Variants in PNKD observed in about 807,000 individuals in gnomAD.
The protein encoded by PNKD is probable thioesterase PNKD.
PNKD carries 36 observed loss-of-function variants against 45.3 expected under a neutral mutation model. The ratio of observed to expected loss-of-function variants is 0.80; its 90% CI spans 0.61 to 1.05. The LOEUF (loss-of-function observed/expected upper bound fraction) is 1.05, where lower values mean the gene tolerates loss of function less well. PNKD is among the 50% of genes least tolerant of loss of function. The pLI, the probability that PNKD is intolerant of heterozygous loss-of-function variation, is 0.00. For synonymous variants in PNKD, 197 were observed against 210.1 expected (o/e 0.94, Z 0.54); for missense variants, 511 against 506.6 (o/e 1.01, Z -0.08).
chr2:218,318,950 C>CTTTTTTTTTTTTTTTTTTTTT (rs769001811), intron 2 of PNKD, among the ~76,000 whole-genome samples: 15 of 99,898 alleles, frequency 1.5e-4, no homozygotes, highest in East Asian at 5.6e-4. Context: ...TTTTTTTTTT[C>CTTTTTTTTTTTTTTTTTTTTT]TTTTTTTTTT....
chr2:218,330,401 C>T (rs1694286195), intron 2 of PNKD, among the ~76,000 whole-genome samples: 1 of 152,200 alleles, frequency 6.6e-6, no homozygotes, highest in South Asian at 2.1e-4. Flanking sequence ...GGCTCACTGT[C>T]CCCAGCTGTC....
rs547095624 is a variant in PNKD at position 218,309,792 on chromosome 2, G to A, written c.237-29991G>A. Among the ~76,000 whole-genome samples the A allele has an allele frequency of 4.6e-5, 7 of 151,906 alleles. No individual in the cohort carries two copies. The East Asian group carries it at 5.9e-4, about 13-fold the overall frequency. On this transcript the variant is annotated intron_variant, in intron 2 of 9. Transcript: ENST00000273077. ...ACTAAAAATACAAAAAAAATTAGCC[G>A]AGCGTGGTGGTGCACACCTGTAATC...
In PNKD at chr2:218,275,433, G is replaced by A. The variant is rs563258520; in HGVS notation, c.236+3884G>A. Reference sequence around the variant, plus strand: ...TCATAGGGCCCAGCCCTCTAGCTTGGAAGGGAGAGCCCAGGATCGGGTGAA... The same window carrying A: ...TCATAGGGCCCAGCCCTCTAGCTTGAAAGGGAGAGCCCAGGATCGGGTGAA... On this transcript the variant is annotated intron_variant, in intron 2 of 9. Coordinates refer to ENST00000273077, the MANE Select transcript of PNKD (RefSeq NM_015488.5). 12 of 1,590,920 alleles carry A rather than the reference G, an allele frequency of 7.5e-6. No homozygotes were observed. The South Asian group carries it at 1.3e-4, about 17-fold the overall frequency.
chr2:218,288,780 C>T (rs900422775), intron 2 of PNKD, among the ~76,000 whole-genome samples: 1 of 151,946 alleles, frequency 6.6e-6, no homozygotes, highest in Non-Finnish European at 1.5e-5. Context: ...AAAGTGTTTT[C>T]TTGGGGGTGG....
In PNKD at chr2:218,270,599, CG is replaced by C; in HGVS notation, c.67+1del. The C allele has an allele frequency of 9.6e-7, 1 of 1,038,878 alleles. No individual in the cohort carries two copies. 64.4% of individuals were successfully genotyped at this position (1,038,878 alleles called of 1,614,324 possible). On this transcript the variant is annotated frameshift_variant and splice_region_variant, in exon 1 of 10. Transcript: ENST00000273077. LOFTEE classifies it high-confidence loss of function. Reference protein sequence around the residue: ...GRGARNARVLRGILAGATANK... With the variant: ...GRGARNARVLXGILAGATANK... ...GGGGGCGAGAAATGCCCGCGTCCTC[CG>C]GGGTAAGGAGAGGGACCCCGGGGAG...
chr2:218,278,399 C>T, intron 2 of PNKD: 1 of 1,099,528 alleles, frequency 9.1e-7, no homozygotes, highest in Non-Finnish European at 1.4e-6. Flanking sequence ...CATCCTCCTC[C>T]TCATTTCTTG....
At chr2:218,282,094 C>A in intron 2 of PNKD, 1 of 1,573,532 alleles carries the variant, frequency 6.4e-7, no homozygotes, top group Non-Finnish European at 8.6e-7. Context: ...GGCCTGGGTA[C>A]AGGGGGTTGC....
At chr2:218,279,927 T>G in intron 2 of PNKD, 1 of 871,710 alleles carries the variant, frequency 1.1e-6, no homozygotes, top group South Asian at 1.4e-5. Flanking sequence ...CCAGTGTATT[T>G]CATGGAATTG....
At chr2:218,271,173 A>C in intron 1 of PNKD, 2 of 617,570 alleles carry the variant, frequency 3.2e-6, no homozygotes, top group Non-Finnish European at 2.9e-6. Flanking sequence ...ATGAGCCCGC[A>C]GTGACGTGGA....
At chr2:218,276,028 G>C (rs1438360332) in intron 2 of PNKD, 1 of 1,612,068 alleles carries the variant, frequency 6.2e-7, no homozygotes, top group South Asian at 1.1e-5. Context: ...GGACTTACCA[G>C]GGTGAAACAA....
intron 2 of PNKD, chr2:218,286,943 C>T (rs1273868791): frequency 1.3e-5 from 2 of 152,186 alleles, no homozygotes; most frequent in Admixed American, 6.5e-5. Context: ...GATTTGTTCC[C>T]CTCCCTTTTC....
At chr2:218,344,735 T>C in intron 9 of PNKD, 73 bp from the exon 10 acceptor site, 1 of 1,507,556 alleles carries the variant, frequency 6.6e-7, no homozygotes, top group Non-Finnish European at 9.2e-7. Context: ...GGGGCAGGGG[T>C]CGGGTCAGGC....
At chr2:218,343,771 G>A (rs899738417) in intron 8 of PNKD, among the ~76,000 whole-genome samples, 185 bp downstream of exon 8, 4 of 152,140 alleles carry the variant, frequency 2.6e-5, no homozygotes, top group Non-Finnish European at 4.4e-5. Flanking sequence ...TGCTGGCTCC[G>A]TACCACCTCT....
chr2:218,288,298 G>A (rs1411806906), intron 2 of PNKD, among the ~76,000 whole-genome samples: 5 of 151,986 alleles, frequency 3.3e-5, no homozygotes, highest in South Asian at 4.1e-4. Context: ...ATGTGGTGGC[G>A]GACGCCTGTA....
chr2:218,305,054 CAG>C (rs1315744411), intron 2 of PNKD, among the ~76,000 whole-genome samples: 1 of 151,862 alleles, frequency 6.6e-6, no homozygotes, highest in Non-Finnish European at 1.5e-5. Flanking sequence ...GCCTGGGTGA[CAG>C]AGCAAGACTC....
chr2:218,315,057 T>TCTTTCTTTCTTTCTTTCTTTCTTTCTTA (rs61429059), intron 2 of PNKD, among the ~76,000 whole-genome samples: 1 of 55,544 alleles, frequency 1.8e-5, no homozygotes, highest in African/African-American at 6.0e-5. Context: ...TTTCTTTCTT[T>TCTTTCTTTCTTTCTTTCTTTCTTTCTTA]CTTCCTTCCT....
intron 2 of PNKD, chr2:218,323,435 A>G: frequency 8.1e-6 from 12 of 1,488,006 alleles, no homozygotes; most frequent in Non-Finnish European, 9.9e-6. Context: ...GAATCGGGTT[A>G]GTGCCCGGGC....
At chr2:218,333,564 A>G (rs1694391492) in intron 2 of PNKD, among the ~76,000 whole-genome samples, 1 of 152,116 alleles carries the variant, frequency 6.6e-6, no homozygotes, top group African/African-American at 2.4e-5. Context: ...TAATCTTCAC[A>G]CAGTCCTTCG....
In PNKD at chr2:218,341,999, T is replaced by C. The variant is rs775017276; in HGVS notation, c.636T>C (p.Asp212=). The change falls in exon 7 of 10, where the codon GAT becomes GAC. Residue 212 remains aspartate (D), a synonymous_variant. Transcript: ENST00000273077. ...PYLTHPLCHQ[D]VVSVGRLQIR... is the part of the protein sequence containing the mutation. The stretch of plus-strand genomic sequence containing the variant: ...TCCCCAGTCCCCTGTGTCATCAAGA[T>C]GTGGTCAGCGTGGGACGGCTTCAGA... 1 of 1,613,616 alleles carries C rather than the reference T, an allele frequency of 6.2e-7. No homozygotes were observed. The highest frequency in any genetic ancestry group is 8.5e-7 in the Non-Finnish European group (1 of 1,179,506).
Sources: allele counts gnomAD v4.1 joint callset (sites outside exome capture counted in the v4.1 genomes callset), GRCh38; gene constraint gnomAD v4.1.1; transcripts MANE v1.5; gene names NCBI Gene and HGNC (gene_info 2026-07-23, HGNC 2026-07-21).